Variants in FRMPD4 observed in about 807,000 individuals in gnomAD.
FRMPD4 encodes FERM and PDZ domain containing 4.
In FRMPD4, 22 loss-of-function variants were observed where a neutral mutation model predicts 94.1. The observed-to-expected ratio is 0.23, with a 90% confidence interval of 0.17 to 0.33. FRMPD4 has a LOEUF of 0.33. Among genes scored for constraint, FRMPD4 ranks in the 10% least tolerant of loss-of-function variants. The pLI, the probability that FRMPD4 is intolerant of heterozygous loss-of-function variation, is 1.00. For synonymous variants in FRMPD4, 631 were observed against 548.6 expected (o/e 1.15, Z -2.10); for missense variants, 1,111 against 1,339.9 (o/e 0.83, Z 2.67).
At position 11,957,491 on chromosome X, in the gene FRMPD4, GGA is replaced by G. The variant is rs772624668; in HGVS notation, c.95+79475_95+79476del. 5.4e-5 allele frequency among the ~76,000 whole-genome samples: 6 copies of G among 110,434 alleles called. No homozygotes were observed. In the South Asian group the frequency reaches 2.3e-3, roughly 43 times the overall value. On this transcript the variant is annotated intron_variant, in intron 3 of 18. Transcript: ENST00000640291. ...CAGCCAGGAGGATCCTTAGAGCCCT[GGA>G]GTTTGAGGCTGCAGTGAGTGAGACC... is the stretch of plus-strand genomic sequence containing the variant.
At chrX:12,041,964 C>G (rs2147443677) in intron 3 of FRMPD4, among the ~76,000 whole-genome samples, 1 of 112,038 alleles carries the variant, frequency 8.9e-6, no homozygotes, top group South Asian at 3.7e-4. Context: ...CTTTTCTCCT[C>G]TAGAATTTCA....
chrX:12,000,255 A>G (rs2054517801), intron 3 of FRMPD4, among the ~76,000 whole-genome samples: 2 of 111,931 alleles, frequency 1.8e-5, no homozygotes, highest in Non-Finnish European at 3.8e-5. Flanking sequence ...TGCCCCAATT[A>G]ATTTTGGCAT....
At chrX:12,136,906 CACACACACACACACACACAT>C (rs1353670653), upstream of FRMPD4, among the ~76,000 whole-genome samples, 4 of 100,669 alleles carry the variant, frequency 4.0e-5, no homozygotes, top group Admixed American at 4.1e-4. Context: ...CACACACACA[CACACACACACACACACACAT>C]ACACACACAC....
At chrX:12,378,091 G>A (rs180818484) in intron 1 of FRMPD4, among the ~76,000 whole-genome samples, 261 of 112,308 alleles carry the variant, frequency 2.3e-3, no homozygotes, top group African/African-American at 8.1e-3. Context: ...GGGGGCGACT[G>A]ATGCTTGCAG....
chrX:12,059,249 G>A (rs1038169204), intron 3 of FRMPD4, among the ~76,000 whole-genome samples: 1 of 111,548 alleles, frequency 9.0e-6, no homozygotes, highest in Non-Finnish European at 1.9e-5. Flanking sequence ...TAATAATGGT[G>A]TGTTGAAATC....
At chrX:11,859,760 T>G (rs746033206) in intron 1 of FRMPD4, among the ~76,000 whole-genome samples, 12 of 112,093 alleles carry the variant, frequency 1.1e-4, no homozygotes, top group Non-Finnish European at 1.9e-4. Context: ...TGTTTTCAGT[T>G]ACATTAAGTG....
rs1200191277 is a variant in FRMPD4 at position 12,492,127 on chromosome X, T to C, written c.42-6553T>C. On this transcript the variant is annotated intron_variant, in intron 1 of 16. Transcript: ENST00000675598. ...GTCCAATTCGGGGCAGGGCTGCATC[T>C]AACTTTAATGGCAACCACTGCATGT... 5.3e-5 allele frequency among the ~76,000 whole-genome samples: 6 copies of C among 112,191 alleles called. No individual in the cohort carries two copies. The South Asian group carries it at 1.5e-3, about 28-fold the overall frequency.
At chrX:12,236,810 T>C (rs1569201821) in intron 1 of FRMPD4, among the ~76,000 whole-genome samples, 1 of 112,278 alleles carries the variant, frequency 8.9e-6, no homozygotes, top group Non-Finnish European at 1.9e-5. Context: ...TTAATTTCTT[T>C]TGGATATTAG....
rs146290061 is a variant in FRMPD4, at chrX:12,225,878, T to C, written c.41+86866T>C. Among the ~76,000 whole-genome samples, 817 of 111,832 alleles carry C rather than the reference T, an allele frequency of 7.3e-3. 13 individuals carry two copies. The East Asian group carries it at 0.1, about 14-fold the overall frequency. ...AGTGAAAGGAATAACAAATGAAGAA[T>C]TAAACATGCTTGAGCCCAGGTGCTG... On this transcript the variant is annotated intron_variant, in intron 1 of 16. Transcript: ENST00000675598.
chrX:12,230,091 C>T (rs986113238), intron 1 of FRMPD4, among the ~76,000 whole-genome samples: 14 of 111,226 alleles, frequency 1.3e-4, no homozygotes, highest in Admixed American at 5.8e-4. Flanking sequence ...CTTCTTGCTG[C>T]TGCCTGTTTT....
At chrX:12,613,656 G>T (rs1280811759) in intron 3 of FRMPD4, among the ~76,000 whole-genome samples, 1 of 111,570 alleles carries the variant, frequency 9.0e-6, no homozygotes, top group Non-Finnish European at 1.9e-5. Context: ...GACCAGCCTG[G>T]GCAACACAGT....
chrX:12,408,306 T>C (rs1361354223), intron 1 of FRMPD4, among the ~76,000 whole-genome samples: 1 of 108,826 alleles, frequency 9.2e-6, no homozygotes. Context: ...AAGATGGAGC[T>C]GCTTTAGCCT....
chrX:11,981,138 AACAATG>A (rs1323019697), intron 3 of FRMPD4, among the ~76,000 whole-genome samples: 4 of 112,175 alleles, frequency 3.6e-5, no homozygotes, highest in African/African-American at 1.3e-4. Flanking sequence ...AGCCTAGGAA[AACAATG>A]TGTATGATCC....
intron 2 of FRMPD4, among the ~76,000 whole-genome samples, chrX:12,585,283 C>T (rs1250272590): frequency 1.8e-4 from 20 of 109,314 alleles, no homozygotes; most frequent in Admixed American, 1.7e-3. Context: ...GTGCAGGGCG[C>T]GATCTCAGCT....
chrX:11,835,871 C>T (rs759352465), intron 1 of FRMPD4, among the ~76,000 whole-genome samples: 1 of 112,124 alleles, frequency 8.9e-6, no homozygotes, highest in East Asian at 2.8e-4. Flanking sequence ...TTGAAATATT[C>T]TCTAAGCTAT....
intron 1 of FRMPD4, among the ~76,000 whole-genome samples, chrX:12,234,348 A>G (rs1481737653): frequency 2.7e-5 from 3 of 112,274 alleles, no homozygotes; most frequent in Non-Finnish European, 1.9e-5. Flanking sequence ...GAGTGGGAGC[A>G]CTGTGCTAAG....
At chrX:12,178,128 T>G (rs2056316926) in intron 1 of FRMPD4, among the ~76,000 whole-genome samples, 1 of 111,225 alleles carries the variant, frequency 9.0e-6, no homozygotes, top group Admixed American at 9.6e-5. Context: ...AAAAGAGGCC[T>G]AAGGGAGCTT....
At chrX:12,121,142 T>C (rs1158670498) in intron 3 of FRMPD4, among the ~76,000 whole-genome samples, 1 of 109,377 alleles carries the variant, frequency 9.1e-6, no homozygotes, top group Non-Finnish European at 1.9e-5. Flanking sequence ...ACTAAGACTT[T>C]ATTTGCTATT....
chrX:12,653,860 C>T (rs769597498), intron 4 of FRMPD4, among the ~76,000 whole-genome samples: 27 of 112,283 alleles, frequency 2.4e-4, no homozygotes, highest in Non-Finnish European at 4.7e-4. Context: ...CCCCACCTCC[C>T]GGATTCAAGC....
Sources: allele counts gnomAD v4.1 joint callset (sites outside exome capture counted in the v4.1 genomes callset), GRCh38; gene constraint gnomAD v4.1.1; transcripts MANE v1.5; gene names NCBI Gene and HGNC (gene_info 2026-07-23, HGNC 2026-07-21).